The following PTPRU variants were observed in gnomAD, a reference collection of about 807,000 sequenced individuals.
The protein encoded by PTPRU is protein tyrosine phosphatase receptor type U.
Under a neutral mutation model 166.3 loss-of-function variants are expected in PTPRU, and 69 were observed. The observed-to-expected ratio is 0.41, with a 90% confidence interval of 0.34 to 0.51. The LOEUF (loss-of-function observed/expected upper bound fraction) is 0.51, where lower values mean the gene tolerates loss of function less well. Among genes scored for constraint, PTPRU ranks in the 20% least tolerant of loss-of-function variants. The pLI, the probability that PTPRU is intolerant of heterozygous loss-of-function variation, is 0.09. For synonymous variants in PTPRU, 793 were observed against 814.0 expected (o/e 0.97, Z 0.44); for missense variants, 1,657 against 2,013.7 (o/e 0.82, Z 3.39).
chr1:29,264,314 T>C (rs986997249), intron 7 of PTPRU, among the ~76,000 whole-genome samples: 1 of 152,182 alleles, frequency 6.6e-6, no homozygotes, highest in African/African-American at 2.4e-5. Context: ...AGTTTTCAAT[T>C]TATCTATTTT....
chr1:29,310,893 C>G, intron 19 of PTPRU, 113 bp downstream of exon 19: 4 of 1,314,022 alleles, frequency 3.0e-6, no homozygotes, highest in Non-Finnish European at 4.4e-6. Context: ...CTGAATGTCT[C>G]CCCACCGTCG....
In PTPRU at chr1:29,258,659, C is replaced by T. The variant is rs771245838; in HGVS notation, c.360C>T (p.Tyr120=). The T allele has an allele frequency of 9.9e-6, 16 of 1,614,226 alleles. No homozygotes were observed. The highest frequency in any genetic ancestry group is 6.6e-5 in the South Asian group (6 of 91,088). Residue 120 remains tyrosine (Y), a synonymous_variant, in exon 3 of 30, where the codon TAC becomes TAT. Coordinates refer to ENST00000373779, the MANE Select transcript of PTPRU (RefSeq NM_133178.4). The stretch of plus-strand genomic sequence containing the variant: ...ACAGCCCGGGCACCCTGGGCGTCTA[C>T]GTGCGCGTTAATGGGGGCCCCCTGG... The part of the protein sequence containing the change: ...DGHSPGTLGV[Y]VRVNGGPLGS...
intron 18 of PTPRU, among the ~76,000 whole-genome samples, chr1:29,306,578 G>T (rs1426729517): frequency 6.6e-6 from 1 of 152,230 alleles, no homozygotes; most frequent in Non-Finnish European, 1.5e-5. Context: ...AGCCAGGGCT[G>T]GTGTGGCGGG....
chr1:29,250,168 G>A (rs1161984137), intron 1 of PTPRU, among the ~76,000 whole-genome samples: 2 of 151,838 alleles, frequency 1.3e-5, no homozygotes, highest in South Asian at 2.1e-4. Context: ...CCCCTCTTGT[G>A]GCCTTGACTC....
chr1:29,261,835 G>A (rs1309205469), intron 7 of PTPRU, among the ~76,000 whole-genome samples: 1 of 152,164 alleles, frequency 6.6e-6, no homozygotes, highest in African/African-American at 2.4e-5. Flanking sequence ...GCCTGGCTTA[G>A]TGTGTTTTTT....
intron 1 of PTPRU, among the ~76,000 whole-genome samples, chr1:29,245,826 T>A (rs1684271259): frequency 6.6e-6 from 1 of 152,146 alleles, no homozygotes; most frequent in Admixed American, 6.5e-5. Context: ...AACACATGGT[T>A]TTCTGTGGCC....
rs540946033 is a variant in PTPRU at position 29,312,718 on chromosome 1, G to A, written c.3227+12G>A. The A allele has an allele frequency of 4.1e-5, 66 of 1,594,920 alleles. 1 individual carries two copies. The South Asian group carries it at 4.3e-4, about 10-fold the overall frequency. ...GTCATCCACTGCAGGTGGGGGCACC[G>A]GGAATCCCAAGGAGAAAAGGGGCCC... On this transcript the variant is annotated intron_variant, in intron 22 of 29. Transcript: ENST00000373779.
rs1185250971 is a variant in PTPRU at position 29,291,852 on chromosome 1, T to C, written c.2319-17T>C. On this transcript the variant is annotated splice_polypyrimidine_tract_variant and intron_variant, in intron 14 of 29. Transcript: ENST00000373779. This position sits in a 1 kb window ranked among gnomAD's most constrained non-coding sequence, Gnocchi z 4.1. ...CCCCACACAATGCCTGTGTCTCCCCTCAACCCCCCTCTCCAGGAAGCCGGT... is the reference window on the plus strand; with the variant it reads ...CCCCACACAATGCCTGTGTCTCCCCCCAACCCCCCTCTCCAGGAAGCCGGT... 1 of 1,612,676 alleles carries C rather than the reference T, an allele frequency of 6.2e-7. No individual in the cohort carries two copies.
At position 29,320,631 on chromosome 1, in the gene PTPRU, A is replaced by G; in HGVS notation, c.3688-54A>G. 6.7e-7 allele frequency: 1 copy of G among 1,491,568 alleles called. No individual in the cohort carries two copies. Among genetic ancestry groups the G allele is most frequent in the Non-Finnish European group, 9.0e-7 (1 of 1,108,828 alleles). The allele number at this position is 1,491,568 out of a possible 1,614,324, so 92.4% of individuals were successfully genotyped here. A position where few individuals can be genotyped will look rare whatever the true frequency, so the allele number is the denominator to read the frequency against. ...GGAAGACAGCCTGGGGCAGAGGCTCAGCCCAGGCCAGGGGCCGGGAACAGG... is the reference window on the plus strand; with the variant it reads ...GGAAGACAGCCTGGGGCAGAGGCTCGGCCCAGGCCAGGGGCCGGGAACAGG... On this transcript the variant is annotated intron_variant, in intron 25 of 29. Transcript: ENST00000373779. The surrounding 1 kb of genome is among the most constrained non-coding windows in gnomAD (Gnocchi z 5.2).
chr1:29,258,128 C>T (rs1397525957), intron 2 of PTPRU, among the ~76,000 whole-genome samples: 1 of 152,124 alleles, frequency 6.6e-6, no homozygotes, highest in African/African-American at 2.4e-5. Flanking sequence ...CCACACCCTG[C>T]TAATTTTTGT....
chr1:29,310,720 C>G (rs1271130637), intron 18 of PTPRU, 24 bp from the exon 19 acceptor site: 1 of 1,611,324 alleles, frequency 6.2e-7, no homozygotes, highest in African/African-American at 1.3e-5. Context: ...TGGGGTCTAA[C>G]CGTGCCCTCT....
At chr1:29,265,941 G>A (rs1574633171) in intron 7 of PTPRU, among the ~76,000 whole-genome samples, 1 of 147,558 alleles carries the variant, frequency 6.8e-6, no homozygotes, top group South Asian at 2.2e-4. Context: ...TCCCTTTTAT[G>A]AATTGTGGTT....
chr1:29,239,500 G>A lies in PTPRU; in HGVS notation c.73+2783G>A, dbSNP rs145017994. 3.9e-5 allele frequency among the ~76,000 whole-genome samples: 6 copies of A among 152,210 alleles called. No homozygotes were observed. In the East Asian group the frequency reaches 7.8e-4, roughly 20 times the overall value. ...GAAGCAGTGACAGTGGCCGAGGTGGGGACGCTGAGCTCCTGGACAGCCTGC... is the reference window on the plus strand; with the variant it reads ...GAAGCAGTGACAGTGGCCGAGGTGGAGACGCTGAGCTCCTGGACAGCCTGC... On this transcript the variant is annotated intron_variant, in intron 1 of 29. Coordinates refer to ENST00000373779, the MANE Select transcript of PTPRU (RefSeq NM_133178.4).
rs778540811 is a variant in PTPRU at position 29,312,551 on chromosome 1, GA to G, written c.3073del (p.Arg1025GlufsTer36). On this transcript the variant is annotated frameshift_variant and splice_region_variant, in exon 22 of 30. Coordinates refer to ENST00000373779, the MANE Select transcript of PTPRU (RefSeq NM_133178.4). LOFTEE classifies it high-confidence loss of function. ...YVVRTFALER[R>X]GYSARHEVRQ... ...GATTATTATTCCCATTGTCTCCCCA[GA>G]GAGGCTACTCTGCCCGGCACGAGGT... The G allele has an allele frequency of 6.3e-7, 1 of 1,583,100 alleles. No homozygotes were observed. The highest frequency in any genetic ancestry group is 8.7e-7 in the Non-Finnish European group (1 of 1,155,750).
At position 29,236,650 on chromosome 1, in the gene PTPRU, C is replaced by A; in HGVS notation, c.6C>A (p.Ala2=). M[A]RAQALVLALT... ...CGGGCGGCGACGCTCCAACCATGGC[C>A]CGTGCCCAGGCGCTCGTGCTGGCAC... The change falls in exon 1 of 30, where the codon GCC becomes GCA. Residue 2 remains alanine (A), a synonymous_variant. Transcript: ENST00000373779. The surrounding 1 kb of genome is among the most constrained non-coding windows in gnomAD (Gnocchi z 4.6). The A allele has an allele frequency of 7.1e-7, 1 of 1,413,064 alleles. No homozygotes were observed. Among genetic ancestry groups the A allele is most frequent in the African/African-American group, 1.5e-5 (1 of 67,612 alleles). 87.5% of individuals were successfully genotyped at this position (1,413,064 alleles called of 1,614,324 possible).
At chr1:29,259,848 C>G (rs1209021342) in intron 5 of PTPRU, 22 bp from the exon 6 acceptor site, 2 of 1,522,166 alleles carry the variant, frequency 1.3e-6, no homozygotes, top group South Asian at 1.2e-5. Context: ...CGCCCCTGAC[C>G]CCCTCACTCT....
intron 7 of PTPRU, among the ~76,000 whole-genome samples, chr1:29,264,159 C>A (rs1042035775): frequency 7.5e-6 from 1 of 132,924 alleles, no homozygotes; most frequent in African/African-American, 2.7e-5. Context: ...GGGTGACAGA[C>A]TGAGATTCTG....
intron 21 of PTPRU, among the ~76,000 whole-genome samples, chr1:29,312,270 G>A (rs562607316): frequency 5.3e-5 from 8 of 152,260 alleles, no homozygotes; most frequent in African/African-American, 1.9e-4. Context: ...GGTGGCAGAG[G>A]TGAGTATTTC....
rs1285532104 is a variant in PTPRU, at chr1:29,279,717, A to G, written c.1765+60A>G. 1 of 1,563,384 alleles carries G rather than the reference A, an allele frequency of 6.4e-7. No homozygotes were observed. On this transcript the variant is annotated intron_variant, in intron 10 of 29. Coordinates refer to ENST00000373779, the MANE Select transcript of PTPRU (RefSeq NM_133178.4). This position sits in a 1 kb window ranked among gnomAD's most constrained non-coding sequence, Gnocchi z 5.2. The stretch of plus-strand genomic sequence containing the variant: ...AGGTGGCCCAGAATCCCAGGGTTCC[A>G]TGGGCAGAAGGGAAATGGGGGGCAT...
Sources: gnomAD v4.1 joint callset for allele counts (sites outside exome capture counted in the v4.1 genomes callset) on GRCh38, gnomAD v4.1.1 for gene constraint, Gnocchi (gnomAD v3.1) non-coding constraint, MANE v1.5 for transcripts, NCBI Gene and HGNC (gene_info 2026-07-23, HGNC 2026-07-21) for gene names.